Variants in VPS13B observed in about 807,000 individuals in gnomAD.
The protein encoded by VPS13B is vacuolar protein sorting 13 homolog B.
A neutral mutation model predicts 426.4 loss-of-function variants in VPS13B; 285 were observed. The observed-to-expected ratio is 0.67, with a 90% CI of 0.61 to 0.74. The LOEUF (loss-of-function observed/expected upper bound fraction) is 0.74. Among genes scored for constraint, VPS13B ranks in the 30% least tolerant of loss-of-function variants. The pLI is 0.00. For synonymous variants in VPS13B, 1,676 were observed against 1,676.4 expected (o/e 1.00, Z 0.01); for missense variants, 4,537 against 4,782.6 (o/e 0.95, Z 1.51).
At chr8:99,218,469 G>T (rs892987123) in intron 17 of VPS13B, among the ~76,000 whole-genome samples, 1 of 152,124 alleles carries the variant, frequency 6.6e-6, no homozygotes, top group Non-Finnish European at 1.5e-5. Flanking sequence ...GGGTAAGGGA[G>T]GTGGAGTTTT....
intron 15 of VPS13B, among the ~76,000 whole-genome samples, chr8:99,159,420 T>G (rs1422980665): frequency 2.0e-5 from 3 of 152,196 alleles, no homozygotes; most frequent in Non-Finnish European, 4.4e-5. Context: ...TTACTACTGT[T>G]AAAATGCCAT....
At position 99,577,470 on chromosome 8, in the gene VPS13B, T is replaced by A. The variant is rs1228356152; in HGVS notation, c.5077-20T>A. The A allele has an allele frequency of 6.2e-7, 1 of 1,613,528 alleles. No homozygotes were observed. The highest frequency in any genetic ancestry group is 8.5e-7 in the Non-Finnish European group (1 of 1,179,508). On this transcript the variant is annotated intron_variant, in intron 32 of 61. Coordinates refer to ENST00000357162, the MANE Select transcript of VPS13B (RefSeq NM_152564.5). The stretch of plus-strand genomic sequence containing the variant: ...AAGCTATCATGTTTCTTTATCTGTA[T>A]TCTACCGTTTTTGCTTCAGGAGATT...
intron 30 of VPS13B, among the ~76,000 whole-genome samples, chr8:99,533,936 C>G (rs1823058349): frequency 6.6e-6 from 1 of 152,174 alleles, no homozygotes. Flanking sequence ...TTAATTTCTT[C>G]CTAATTATAT....
At chr8:99,186,405 G>GT in intron 16 of VPS13B, among the ~76,000 whole-genome samples, 1 of 152,108 alleles carries the variant, frequency 6.6e-6, no homozygotes, top group East Asian at 1.9e-4. Context: ...TGTAAAAGCT[G>GT]TTGATCTTTA....
At chr8:99,285,973 T>C (rs1819416531) in intron 19 of VPS13B, among the ~76,000 whole-genome samples, 1 of 152,142 alleles carries the variant, frequency 6.6e-6, no homozygotes, top group South Asian at 2.1e-4. Context: ...ACTGAGGATA[T>C]TTCTGTTTTA....
chr8:99,716,086 T>G (rs1030554282), intron 36 of VPS13B, among the ~76,000 whole-genome samples: 27 of 152,164 alleles, frequency 1.8e-4, no homozygotes, highest in African/African-American at 6.3e-4. Flanking sequence ...TGATGAAACA[T>G]TTTAAGAAAT....
intron 15 of VPS13B, among the ~76,000 whole-genome samples, chr8:99,169,229 T>A (rs1812188162): frequency 1.3e-5 from 2 of 152,164 alleles, no homozygotes; most frequent in Admixed American, 1.3e-4. Context: ...AGTAACTCTT[T>A]GTTTTGTATC....
At chr8:99,671,831 T>C (rs944164578) in intron 35 of VPS13B, among the ~76,000 whole-genome samples, 2 of 152,148 alleles carry the variant, frequency 1.3e-5, no homozygotes, top group African/African-American at 2.4e-5. Flanking sequence ...TCTACTTTCA[T>C]TCTTCTGCAT....
intron 34 of VPS13B, among the ~76,000 whole-genome samples, chr8:99,660,214 C>T (rs905202201): frequency 6.6e-6 from 1 of 152,150 alleles, no homozygotes; most frequent in Non-Finnish European, 1.5e-5. Flanking sequence ...ACATAAGGTT[C>T]ATATGTGCCA....
At chr8:99,807,873 TAAA>T (rs35638213) in intron 43 of VPS13B, among the ~76,000 whole-genome samples, 1,382 of 118,020 alleles carry the variant, frequency 0.012, 25 homozygotes, top group African/African-American at 0.04. Flanking sequence ...TATTCAGATT[TAAA>T]AAAAAAAAAA....
intron 24 of VPS13B, among the ~76,000 whole-genome samples, chr8:99,472,966 A>G (rs1330260067): frequency 7.2e-5 from 11 of 152,096 alleles, no homozygotes; most frequent in Admixed American, 5.2e-4. Context: ...ACACAAGAAG[A>G]AAAGAGCAAA....
intron 25 of VPS13B, among the ~76,000 whole-genome samples, chr8:99,493,813 G>GAAAAAGAA (rs927242724): frequency 7.9e-5 from 11 of 138,998 alleles, no homozygotes; most frequent in Non-Finnish European, 1.3e-4. Flanking sequence ...AAAAGAAAAA[G>GAAAAAGAA]AAAAAGAAAG....
intron 34 of VPS13B, among the ~76,000 whole-genome samples, chr8:99,653,694 C>T (rs1829911944): frequency 6.6e-6 from 1 of 152,138 alleles, no homozygotes; most frequent in South Asian, 2.1e-4. Context: ...AAAGAATACA[C>T]TTCCTTCTAG....
chr8:99,506,031 T>C lies in VPS13B; in HGVS notation c.4158-1106T>C, dbSNP rs185778991. On this transcript the variant is annotated intron_variant, in intron 27 of 61. Coordinates refer to ENST00000357162, the MANE Select transcript of VPS13B (RefSeq NM_152564.5). ...ATAATCTTACATAATTTATTTTCTA[T>C]ATTTTATATTTGTTAAGATGCCTGC... Among the ~76,000 whole-genome samples, 3 of 152,346 alleles carry C rather than the reference T, an allele frequency of 2.0e-5. No homozygotes were observed. The East Asian group carries it at 5.8e-4, about 29-fold the overall frequency.
At chr8:99,685,109 T>C (rs1034367762) in intron 35 of VPS13B, among the ~76,000 whole-genome samples, 4 of 152,220 alleles carry the variant, frequency 2.6e-5, no homozygotes, top group South Asian at 4.1e-4. Context: ...CCCCATTAGA[T>C]GTTTTTAAGA....
intron 33 of VPS13B, among the ~76,000 whole-genome samples, chr8:99,636,640 C>T (rs1829081656): frequency 6.6e-6 from 1 of 151,944 alleles, no homozygotes; most frequent in Non-Finnish European, 1.5e-5. Context: ...AAGCATTGTG[C>T]AGCTTTTATA....
chr8:99,443,823 A>G (rs1353045952), intron 23 of VPS13B, among the ~76,000 whole-genome samples: 1 of 152,000 alleles, frequency 6.6e-6, no homozygotes, highest in Non-Finnish European at 1.5e-5. Flanking sequence ...AATTTCTTTT[A>G]GCTATATGCT....
intron 33 of VPS13B, among the ~76,000 whole-genome samples, chr8:99,600,663 G>A (rs1827244824): frequency 6.6e-6 from 1 of 152,148 alleles, no homozygotes; most frequent in Non-Finnish European, 1.5e-5. Context: ...GAAGAGAGGA[G>A]AAAAACCAGT....
intron 23 of VPS13B, among the ~76,000 whole-genome samples, chr8:99,459,689 G>T (rs1468126109): frequency 6.6e-6 from 1 of 152,226 alleles, no homozygotes; most frequent in East Asian, 1.9e-4. Context: ...AGGCACAATA[G>T]AAGTATGGTA....
Sources: allele counts gnomAD v4.1 joint callset (sites outside exome capture counted in the v4.1 genomes callset), GRCh38; gene constraint gnomAD v4.1.1; transcripts MANE v1.5; gene names NCBI Gene and HGNC (gene_info 2026-07-23, HGNC 2026-07-21).